The following NFATC3 variants were observed in gnomAD, a reference collection of about 807,000 sequenced individuals.
The protein encoded by NFATC3 is nuclear factor of activated T-cells, cytoplasmic 3.
A neutral mutation model predicts 98.6 loss-of-function variants in NFATC3; 46 were observed. That is an observed-to-expected ratio of 0.47 (90% CI 0.37 to 0.60). The LOEUF is 0.60. NFATC3 is among the 20% of genes least tolerant of loss of function. The pLI, the probability that NFATC3 is intolerant of heterozygous loss-of-function variation, is 0.00. For missense variants in NFATC3, 1,256 were observed against 1,295.5 expected, an observed-to-expected ratio of 0.97 and a Z score of 0.47; for synonymous variants, 512 against 472.2, an observed-to-expected ratio of 1.08 and a Z score of -1.09.
chr16:68,122,889 A>G lies in NFATC3; in HGVS notation c.1006A>G (p.Ile336Val), dbSNP rs1201747185. 2 of 1,614,084 alleles carry G rather than the reference A, an allele frequency of 1.2e-6. No individual in the cohort carries two copies. The highest frequency in any genetic ancestry group is 1.7e-6 in the Non-Finnish European group (2 of 1,180,040). ...ATTTCAGTACTGTGTAGAGACTGAC[A>G]TCCCTCTCAAAACAAGGAAAACTTC... ...FPFQYCVETD[I>V]PLKTRKTSED... Residue 336 changes from isoleucine to valine, a missense_variant, in exon 2 of 10, where the codon ATC becomes GTC. Ile to Val is a conservative substitution (Grantham distance 29). Transcript: ENST00000346183.
At chr16:68,102,374 GAAAAAAAAAAAAAAAA>G (rs71268472) in intron 1 of NFATC3, among the ~76,000 whole-genome samples, 5 of 30,894 alleles carry the variant, frequency 1.6e-4, no homozygotes, top group Admixed American at 1.1e-3. Context: ...TCCATCTCAG[GAAAAAAAAAAAAAAAA>G]AAAAAAAAAA....
intron 9 of NFATC3, chr16:68,209,578 T>C (rs2041290554): frequency 6.0e-5 from 20 of 333,722 alleles, no homozygotes; most frequent in South Asian, 5.2e-4. Flanking sequence ...GCAAAGCTGC[T>C]GAAGGGTCAG....
intron 9 of NFATC3, among the ~76,000 whole-genome samples, chr16:68,202,312 C>T (rs1194225149): frequency 6.6e-6 from 1 of 152,056 alleles, no homozygotes; most frequent in African/African-American, 2.4e-5. Context: ...TCAGCTGCTT[C>T]AGTTCTGTAT....
At position 68,138,663 on chromosome 16, in the gene NFATC3, T is replaced by A. The variant is rs1406111558; in HGVS notation, c.1401+12053T>A. 5 of 1,288,514 alleles carry A rather than the reference T, an allele frequency of 3.9e-6. No homozygotes were observed. In the South Asian group the frequency reaches 6.2e-5, roughly 16 times the overall value. 79.8% of individuals were successfully genotyped at this position (1,288,514 alleles called of 1,614,324 possible). The stretch of plus-strand genomic sequence containing the variant: ...TCATCACCACTTACAATTTTTTGGC[T>A]ACAAGTAGTCACATGGCCCTACTTA... On this transcript the variant is annotated intron_variant, in intron 3 of 9. Transcript: ENST00000346183.
chr16:68,208,871 T>G (rs2041259108), intron 9 of NFATC3, among the ~76,000 whole-genome samples: 1 of 152,234 alleles, frequency 6.6e-6, no homozygotes, highest in South Asian at 2.1e-4. Context: ...TGCTAACATT[T>G]TTTTGTCTGT....
intron 2 of NFATC3, among the ~76,000 whole-genome samples, chr16:68,123,459 G>T (rs1261153245): frequency 1.4e-5 from 2 of 143,350 alleles, no homozygotes; most frequent in Non-Finnish European, 3.0e-5. Context: ...CCAGGAGTTT[G>T]AGACTAGCCT....
chr16:68,087,527 C>G (rs563059214), intron 1 of NFATC3, among the ~76,000 whole-genome samples: 1 of 152,076 alleles, frequency 6.6e-6, no homozygotes, highest in Non-Finnish European at 1.5e-5. Flanking sequence ...ATATTTTAAG[C>G]AGGTAATTTT....
At chr16:68,163,725 G>A (rs1466586819) in intron 4 of NFATC3, among the ~76,000 whole-genome samples, 1 of 151,772 alleles carries the variant, frequency 6.6e-6, no homozygotes, top group Non-Finnish European at 1.5e-5. Flanking sequence ...TCCCAGACGG[G>A]GTCGCGGCTG....
chr16:68,175,579 A>T (rs2039654409), intron 6 of NFATC3, among the ~76,000 whole-genome samples: 1 of 150,090 alleles, frequency 6.7e-6, no homozygotes, highest in African/African-American at 2.4e-5. Flanking sequence ...TTTTTTTTTG[A>T]GACAGTGACT....
At chr16:68,119,488 A>C (rs1332040489) in intron 1 of NFATC3, among the ~76,000 whole-genome samples, 2 of 151,930 alleles carry the variant, frequency 1.3e-5, no homozygotes, top group Non-Finnish European at 2.9e-5. Flanking sequence ...CGTAGCTCTC[A>C]TTATTCTGCC....
intron 3 of NFATC3, among the ~76,000 whole-genome samples, chr16:68,153,575 TA>T (rs1233829055): frequency 6.6e-6 from 1 of 152,166 alleles, no homozygotes; most frequent in African/African-American, 2.4e-5. Context: ...TTGACAACAT[TA>T]ATCTTTTTCC....
At chr16:68,209,581 A>G in intron 9 of NFATC3, 1 of 333,694 alleles carries the variant, frequency 3.0e-6, no homozygotes, top group South Asian at 2.6e-5. Flanking sequence ...AAGCTGCTGA[A>G]GGGTCAGGCC....
At chr16:68,098,297 ATTATTTTTTT>A (rs1312222053) in intron 1 of NFATC3, among the ~76,000 whole-genome samples, 11 of 101,434 alleles carry the variant, frequency 1.1e-4, no homozygotes, top group African/African-American at 3.9e-4. Flanking sequence ...TATTATTATT[ATTATTTTTTT>A]TTTTTTTTTT....
chr16:68,132,978 T>C (rs1266909227), intron 3 of NFATC3, among the ~76,000 whole-genome samples: 1 of 152,148 alleles, frequency 6.6e-6, no homozygotes, highest in Non-Finnish European at 1.5e-5. Flanking sequence ...AATAAAAATT[T>C]ATTGTGGCGG....
intron 8 of NFATC3, among the ~76,000 whole-genome samples, chr16:68,185,793 G>A (rs1366858049): frequency 3.3e-5 from 5 of 150,814 alleles, no homozygotes; most frequent in African/African-American, 1.2e-4. Flanking sequence ...AACCCGGGAG[G>A]TGGAGCTTTC....
At position 68,226,918 on chromosome 16, in the gene NFATC3, A is replaced by AAAG. The variant is rs1567559767; in HGVS notation, c.*449_*450insGAA. 30 of 117,426 alleles carry AAAG rather than the reference A, an allele frequency of 2.6e-4. No homozygotes were observed. The highest frequency in any genetic ancestry group is 7.9e-4 in the African/African-American group (30 of 38,180). 7.3% of individuals were successfully genotyped at this position (117,426 alleles called of 1,614,324 possible). A position where few individuals can be genotyped will look rare whatever the true frequency, so the allele number is the denominator to read the frequency against. ...GAAGCAAAAAAAAAAAAAAAAAAAA[A>AAAG]AAAAAGAAAAAAAAAGAAAAGAAAA... On this transcript the variant is annotated 3_prime_UTR_variant, in exon 10 of 10. Transcript: ENST00000346183.
intron 9 of NFATC3, among the ~76,000 whole-genome samples, chr16:68,197,861 ATT>A (rs1288211241): frequency 6.6e-6 from 1 of 152,140 alleles, no homozygotes; most frequent in African/African-American, 2.4e-5. Context: ...ATCAAAACAC[ATT>A]TTCTTTAATT....
intron 9 of NFATC3, chr16:68,192,230 A>ATATATATATATAT (rs10642778): frequency 2.4e-5 from 2 of 82,580 alleles, no homozygotes; most frequent in East Asian, 3.3e-4. Context: ...AAAAAAAAAA[A>ATATATATATATAT]ATATATATAT....
chr16:68,213,634 C>T (rs915360309), intron 9 of NFATC3, among the ~76,000 whole-genome samples: 2 of 151,986 alleles, frequency 1.3e-5, no homozygotes, highest in African/African-American at 2.4e-5. Flanking sequence ...TTGAGACCCA[C>T]CTGGCCAACA....
Sources: gnomAD v4.1 joint callset for allele counts (sites outside exome capture counted in the v4.1 genomes callset) on GRCh38, gnomAD v4.1.1 for gene constraint, MANE v1.5 for transcripts, NCBI Gene and HGNC (gene_info 2026-07-23, HGNC 2026-07-21) for gene names.